TRIM44: variants seen among roughly 807,000 people sequenced by gnomAD.
TRIM44 encodes tripartite motif containing 44.
Under a neutral mutation model 37.4 loss-of-function variants are expected in TRIM44, and 13 were observed. That is an observed-to-expected ratio of 0.35 (90% CI 0.23 to 0.55). The LOEUF (loss-of-function observed/expected upper bound fraction) is 0.55. Ranked by LOEUF, TRIM44 falls within the 20% of genes least tolerant of loss-of-function variation. TRIM44 has a pLI of 0.89. For missense variants in TRIM44, 426 were observed against 437.2 expected, an observed-to-expected ratio of 0.97 and a Z score of 0.23; for synonymous variants, 175 against 157.2, an observed-to-expected ratio of 1.11 and a Z score of -0.85.
chr11:35,809,358 G>C lies in TRIM44; in HGVS notation c.*2973G>C, dbSNP rs1853499626. On this transcript the variant is annotated 3_prime_UTR_variant, in exon 5 of 5. Transcript: ENST00000299413. ...ACACACCATGGTCCACCTAAAAACA[G>C]AAGGATAAAAAGACTTCAGGTTTTC... 1.3e-5 allele frequency: 2 copies of C among 152,154 alleles called. 1 individual carries two copies. Among genetic ancestry groups the C allele is most frequent in the South Asian group, 4.1e-4 (2 of 4,828 alleles). The allele number at this position is 152,154 out of a possible 1,614,324, so 9.4% of individuals were successfully genotyped here.
chr11:35,754,227 C>G (rs1168319509), intron 4 of TRIM44, among the ~76,000 whole-genome samples: 1 of 152,116 alleles, frequency 6.6e-6, no homozygotes, highest in Non-Finnish European at 1.5e-5. Flanking sequence ...ATGCTAATAT[C>G]ACTGTAGTTA....
intron 4 of TRIM44, among the ~76,000 whole-genome samples, chr11:35,745,617 C>T (rs774446726): frequency 1.1e-4 from 17 of 152,140 alleles, no homozygotes; most frequent in African/African-American, 2.4e-4. Flanking sequence ...GATTTAAGAA[C>T]GATTAATAAA....
intron 4 of TRIM44, among the ~76,000 whole-genome samples, chr11:35,790,398 C>T (rs1853192157): frequency 6.6e-6 from 1 of 152,202 alleles, no homozygotes; most frequent in African/African-American, 2.4e-5. Context: ...CACATGCTCT[C>T]ATGTTTGGCA....
intron 4 of TRIM44, among the ~76,000 whole-genome samples, chr11:35,797,705 A>G (rs2133881737): frequency 6.6e-6 from 1 of 152,330 alleles, no homozygotes; most frequent in Admixed American, 6.5e-5. Flanking sequence ...ATACCTGATC[A>G]GCACCCCTCA....
rs1024662611 is a variant in TRIM44, at chr11:35,810,919, G to A, written c.*4534G>A. ...ACTGAATCTTTCAAGGGAATTACAC[G>A]TTTGGGTTAATGTTTCAGTATATCA... On this transcript the variant is annotated 3_prime_UTR_variant, in exon 5 of 5. Coordinates refer to ENST00000299413, the MANE Select transcript of TRIM44 (RefSeq NM_017583.6). 3.3e-5 allele frequency: 5 copies of A among 152,134 alleles called. No individual in the cohort carries two copies. The highest frequency in any genetic ancestry group is 7.4e-5 in the Non-Finnish European group (5 of 68,022). 9.4% of individuals were successfully genotyped at this position (152,134 alleles called of 1,614,324 possible). A position where few individuals can be genotyped will look rare whatever the true frequency, so the allele number is the denominator to read the frequency against.
intron 2 of TRIM44, among the ~76,000 whole-genome samples, chr11:35,704,282 G>C (rs1402283630): frequency 6.6e-6 from 1 of 152,204 alleles, no homozygotes; most frequent in African/African-American, 2.4e-5. Context: ...ATCTACGTCT[G>C]ATTGGTGTAC....
At position 35,811,889 on chromosome 11, in the gene TRIM44, A is replaced by C. The variant is rs1470933852; in HGVS notation, c.*5504A>C. ...ATAAGTCACTCAAGGTCACCCAACAAGCCAGGCTGGTAAAGCCCAGGACAG... is the reference window on the plus strand; with the variant it reads ...ATAAGTCACTCAAGGTCACCCAACACGCCAGGCTGGTAAAGCCCAGGACAG... On this transcript the variant is annotated 3_prime_UTR_variant, in exon 5 of 5. Coordinates refer to ENST00000299413, the MANE Select transcript of TRIM44 (RefSeq NM_017583.6). 1 of 152,192 alleles carries C rather than the reference A, an allele frequency of 6.6e-6. No individual in the cohort carries two copies. The highest frequency in any genetic ancestry group is 2.4e-5 in the African/African-American group (1 of 41,450). The allele number at this position is 152,192 out of a possible 1,614,324, so 9.4% of individuals were successfully genotyped here.
intron 2 of TRIM44, among the ~76,000 whole-genome samples, chr11:35,702,622 A>C (rs1018224502): frequency 2.0e-5 from 3 of 152,232 alleles, no homozygotes; most frequent in Non-Finnish European, 4.4e-5. Flanking sequence ...TGGTGTTGCC[A>C]TGCATATTGT....
intron 3 of TRIM44, among the ~76,000 whole-genome samples, chr11:35,732,711 G>A (rs1333770352): frequency 6.6e-6 from 1 of 152,170 alleles, no homozygotes; most frequent in Non-Finnish European, 1.5e-5. Flanking sequence ...TTTCGAGTAA[G>A]GCTTGATCTT....
At chr11:35,701,752 C>G (rs956677499) in intron 2 of TRIM44, among the ~76,000 whole-genome samples, 6 of 152,222 alleles carry the variant, frequency 3.9e-5, no homozygotes, top group African/African-American at 1.2e-4. Context: ...ACTGGATTCA[C>G]TACAGCTTAA....
At chr11:35,677,502 TAAC>T (rs71457388) in intron 1 of TRIM44, among the ~76,000 whole-genome samples, 90 of 152,226 alleles carry the variant, frequency 5.9e-4, no homozygotes, top group South Asian at 1.7e-3. Context: ...TAATTAATAA[TAAC>T]AACAGAAATT....
chr11:35,744,258 G>A (rs901230553), intron 4 of TRIM44, among the ~76,000 whole-genome samples: 5 of 152,068 alleles, frequency 3.3e-5, no homozygotes, highest in African/African-American at 2.4e-5. Context: ...AAATTAGTAT[G>A]AGTATGTGCT....
At chr11:35,764,593 A>G (rs1018891915) in intron 4 of TRIM44, among the ~76,000 whole-genome samples, 11 of 152,162 alleles carry the variant, frequency 7.2e-5, no homozygotes, top group African/African-American at 2.7e-4. Context: ...AAGTGACACC[A>G]TGACCTTTGG....
At chr11:35,776,902 G>A (rs752951353) in intron 4 of TRIM44, among the ~76,000 whole-genome samples, 2 of 152,220 alleles carry the variant, frequency 1.3e-5, no homozygotes, top group East Asian at 1.9e-4. Context: ...GAATAAGTGC[G>A]ATGTGGTGCT....
intron 4 of TRIM44, among the ~76,000 whole-genome samples, chr11:35,791,076 C>G (rs933095006): frequency 5.9e-5 from 9 of 152,130 alleles, no homozygotes; most frequent in Admixed American, 1.3e-4. Context: ...CTGGCCCAGA[C>G]TTTAGACTCC....
At chr11:35,697,066 C>CT (rs950339584) in intron 2 of TRIM44, among the ~76,000 whole-genome samples, 40 of 148,824 alleles carry the variant, frequency 2.7e-4, no homozygotes, top group Middle Eastern at 3.4e-3. Flanking sequence ...TTTCATAAAC[C>CT]TTTTTTTTTT....
chr11:35,732,827 C>T (rs577423028), intron 3 of TRIM44, among the ~76,000 whole-genome samples: 43 of 152,252 alleles, frequency 2.8e-4, no homozygotes, highest in Non-Finnish European at 5.1e-4. Flanking sequence ...CAATCCTCTC[C>T]GTGCCAACCT....
At chr11:35,787,139 C>T (rs1461590420) in intron 4 of TRIM44, among the ~76,000 whole-genome samples, 1 of 152,064 alleles carries the variant, frequency 6.6e-6, no homozygotes, top group South Asian at 2.1e-4. Context: ...GGCATGGGGA[C>T]GAGAGGAGGG....
intron 1 of TRIM44, among the ~76,000 whole-genome samples, chr11:35,675,068 T>G (rs1851445147): frequency 6.6e-6 from 1 of 152,208 alleles, no homozygotes; most frequent in Non-Finnish European, 1.5e-5. Context: ...GTTATTTCTT[T>G]CCATGTCTTT....
Sources: allele counts gnomAD v4.1 joint callset (sites outside exome capture counted in the v4.1 genomes callset), GRCh38; gene constraint gnomAD v4.1.1; transcripts MANE v1.5; gene names NCBI Gene and HGNC (gene_info 2026-07-23, HGNC 2026-07-21).